The following GABRG3 variants were observed in gnomAD, a reference collection of about 807,000 sequenced individuals.
The protein encoded by GABRG3 is gamma-aminobutyric acid type A receptor subunit gamma3.
In GABRG3, 25 loss-of-function variants were observed where a neutral mutation model predicts 48.8. That is an observed-to-expected ratio of 0.51 (90% CI 0.37 to 0.72). The LOEUF is 0.72. GABRG3 is among the 30% of genes least tolerant of loss of function. The pLI is 0.00. For synonymous variants in GABRG3, 227 were observed against 217.6 expected, an observed-to-expected ratio of 1.04 and a Z score of -0.38; for missense variants, 394 against 577.9, an observed-to-expected ratio of 0.68 and a Z score of 3.26.
chr15:26,997,710 G>C (rs187509453), intron 2 of GABRG3, among the ~76,000 whole-genome samples: 1 of 152,150 alleles, frequency 6.6e-6, no homozygotes, highest in African/African-American at 2.4e-5. Flanking sequence ...TAGACAGTTA[G>C]ATTTTTCTCT....
intron 3 of GABRG3, among the ~76,000 whole-genome samples, chr15:27,238,836 C>T (rs1304298586): frequency 6.6e-6 from 1 of 152,214 alleles, no homozygotes; most frequent in Non-Finnish European, 1.5e-5. Context: ...TTCCAAAGAA[C>T]AGCCAACGTT....
chr15:27,029,580 C>T (rs915750419), intron 3 of GABRG3, among the ~76,000 whole-genome samples: 1 of 152,158 alleles, frequency 6.6e-6, no homozygotes, highest in African/African-American at 2.4e-5. Flanking sequence ...ATGTTTAATT[C>T]CCATGTTCTC....
intron 6 of GABRG3, among the ~76,000 whole-genome samples, chr15:27,494,909 A>T (rs186583460): frequency 1.2e-4 from 19 of 152,158 alleles, no homozygotes; most frequent in Non-Finnish European, 2.5e-4. Flanking sequence ...CTGGTTTCTA[A>T]AAGTGGGAGT....
intron 3 of GABRG3, among the ~76,000 whole-genome samples, chr15:27,034,376 ATTTGT>A (rs1379097628): frequency 1.3e-5 from 2 of 152,102 alleles, no homozygotes; most frequent in Non-Finnish European, 2.9e-5. Context: ...TGTGTTATTT[ATTTGT>A]TTTGTTTTAT....
In GABRG3 at chr15:27,373,150, G is replaced by A. The variant is rs144270534; in HGVS notation, c.574+44262G>A. ...ATGCTTGGGCTCCAACTCTTAATCAGGAAAAGGTGCCTAATCTTTCTGAGT... is the reference window on the plus strand; with the variant it reads ...ATGCTTGGGCTCCAACTCTTAATCAAGAAAAGGTGCCTAATCTTTCTGAGT... On this transcript the variant is annotated intron_variant, in intron 5 of 9. Transcript: ENST00000615808. 5.8e-3 allele frequency among the ~76,000 whole-genome samples: 887 copies of A among 152,186 alleles called. 8 individuals carry two copies. The highest frequency in any genetic ancestry group is 0.02 in the African/African-American group (834 of 41,522).
At chr15:27,312,160 C>T (rs1003822462) in intron 3 of GABRG3, among the ~76,000 whole-genome samples, 5 of 151,632 alleles carry the variant, frequency 3.3e-5, no homozygotes, top group South Asian at 2.1e-4. Flanking sequence ...ATAACTCAGC[C>T]GAAAAATTCA....
chr15:27,047,205 C>T (rs865859459), intron 3 of GABRG3, among the ~76,000 whole-genome samples: 5 of 152,288 alleles, frequency 3.3e-5, no homozygotes, highest in South Asian at 2.1e-4. Context: ...CCATATTCCC[C>T]GAGACTTCCC....
At chr15:27,186,971 G>A (rs1490627364) in intron 3 of GABRG3, among the ~76,000 whole-genome samples, 1 of 152,052 alleles carries the variant, frequency 6.6e-6, no homozygotes. Flanking sequence ...TGCTTTTGAG[G>A]ACTAAGCCAT....
chr15:27,302,150 T>C (rs1247674474), intron 3 of GABRG3, among the ~76,000 whole-genome samples: 1 of 152,130 alleles, frequency 6.6e-6, no homozygotes, highest in East Asian at 1.9e-4. Context: ...GATATTCTTT[T>C]ATACTGAAAT....
At chr15:26,994,764 C>T (rs958275321) in intron 2 of GABRG3, among the ~76,000 whole-genome samples, 1 of 151,988 alleles carries the variant, frequency 6.6e-6, no homozygotes, top group Non-Finnish European at 1.5e-5. Context: ...TAATTTACCA[C>T]ATTTCCTTCT....
chr15:27,517,558 A>T (rs1891052774), intron 6 of GABRG3, among the ~76,000 whole-genome samples: 1 of 152,162 alleles, frequency 6.6e-6, no homozygotes, highest in East Asian at 1.9e-4. Context: ...TCTTGTCTGG[A>T]GTTGTCTTTC....
At chr15:27,249,622 G>T (rs189478433) in intron 3 of GABRG3, among the ~76,000 whole-genome samples, 1 of 152,234 alleles carries the variant, frequency 6.6e-6, no homozygotes, top group East Asian at 1.9e-4. Context: ...GACCTGCTGT[G>T]CCCTGAGCCC....
At chr15:27,063,797 G>A (rs1005584304) in intron 3 of GABRG3, among the ~76,000 whole-genome samples, 2 of 152,148 alleles carry the variant, frequency 1.3e-5, no homozygotes, top group Non-Finnish European at 1.5e-5. Flanking sequence ...CACAGAGTCC[G>A]CCCCTGCAGA....
intron 6 of GABRG3, 69 bp downstream of exon 6, chr15:27,480,856 C>A: frequency 3.2e-6 from 5 of 1,565,052 alleles, no homozygotes; most frequent in Non-Finnish European, 3.5e-6. Flanking sequence ...GTAGTCATAT[C>A]CTTAATGTAC....
At chr15:27,073,715 G>A (rs1045288255) in intron 3 of GABRG3, among the ~76,000 whole-genome samples, 3 of 152,222 alleles carry the variant, frequency 2.0e-5, no homozygotes, top group Non-Finnish European at 2.9e-5. Flanking sequence ...AACACACATG[G>A]ATTAGCTCAC....
intron 6 of GABRG3, among the ~76,000 whole-genome samples, chr15:27,512,790 C>G (rs1335133878): frequency 6.6e-6 from 1 of 152,174 alleles, no homozygotes. Flanking sequence ...CTCCAGAAAC[C>G]TGCTGAGGCA....
intron 3 of GABRG3, among the ~76,000 whole-genome samples, chr15:27,170,263 C>T (rs1381104741): frequency 6.6e-6 from 1 of 152,038 alleles, no homozygotes; most frequent in Non-Finnish European, 1.5e-5. Context: ...TATGTGACAG[C>T]AATAGCCCAG....
At chr15:27,326,175 AT>A (rs1194139591) in intron 3 of GABRG3, among the ~76,000 whole-genome samples, 1 of 152,116 alleles carries the variant, frequency 6.6e-6, no homozygotes, top group Admixed American at 6.5e-5. Context: ...TGCCTCTGTA[AT>A]TTGTACCTCT....
At chr15:27,433,382 A>G (rs1180585602) in intron 5 of GABRG3, among the ~76,000 whole-genome samples, 1 of 152,210 alleles carries the variant, frequency 6.6e-6, no homozygotes, top group African/African-American at 2.4e-5. Context: ...TTTCTTCAGT[A>G]GGTTCTAGGA....
Sources: allele counts gnomAD v4.1 joint callset (sites outside exome capture counted in the v4.1 genomes callset), GRCh38; gene constraint gnomAD v4.1.1; transcripts MANE v1.5; gene names NCBI Gene and HGNC (gene_info 2026-07-23, HGNC 2026-07-21).